Variants in CHD2 observed in about 807,000 individuals in gnomAD.
CHD2 encodes the protein ATP-dependent chromatin remodeler CHD2.
In CHD2, 28 loss-of-function variants were observed where a neutral mutation model predicts 243.9. The ratio of observed to expected loss-of-function variants is 0.11; its 90% CI spans 0.09 to 0.16. The LOEUF is 0.16. Among genes scored for constraint, CHD2 ranks in the 10% least tolerant of loss-of-function variants. The pLI is 1.00. For missense variants in CHD2, 1,386 were observed against 2,209.8 expected, an observed-to-expected ratio of 0.63 and a Z score of 7.47; for synonymous variants, 775 against 779.0, an observed-to-expected ratio of 0.99 and a Z score of 0.09.
intron 5 of CHD2, among the ~76,000 whole-genome samples, chr15:92,935,229 G>A (rs906714912): frequency 1.1e-4 from 16 of 152,016 alleles, no homozygotes; most frequent in African/African-American, 3.9e-4. Flanking sequence ...GTAGATACGG[G>A]GTTTCACCAC....
chr15:92,932,908 G>A (rs1368521873), intron 5 of CHD2, among the ~76,000 whole-genome samples: 1 of 151,892 alleles, frequency 6.6e-6, no homozygotes, highest in Non-Finnish European at 1.5e-5. Context: ...GTGCCCAGCT[G>A]ATTTTTGTAT....
intron 25 of CHD2, 27 bp from the exon 26 acceptor site, chr15:92,985,464 TGTTACAG>T: frequency 1.9e-6 from 3 of 1,577,802 alleles, no homozygotes; most frequent in Non-Finnish European, 1.7e-6. Flanking sequence ...ACTTCGCACT[TGTTACAG>T]TGTGACTTTG....
At chr15:92,924,232 G>A in intron 2 of CHD2, 89 bp from the exon 3 acceptor site, 3 of 1,113,528 alleles carry the variant, frequency 2.7e-6, no homozygotes, top group Non-Finnish European at 3.9e-6. Flanking sequence ...ATTACTATCT[G>A]CAAATGTTTT....
chr15:92,928,464 C>T (rs2053105417), intron 4 of CHD2, among the ~76,000 whole-genome samples: 1 of 151,528 alleles, frequency 6.6e-6, no homozygotes, highest in Admixed American at 6.6e-5. Context: ...GTGCTGTTAG[C>T]AGAGCACTGT....
In CHD2 at chr15:92,943,048, A is replaced by G. The variant is rs991505793; in HGVS notation, c.1032A>G (p.Lys344=). The part of the protein sequence containing the change: ...GLKKLENFKK[K]EDEIKQWLGK... ...AAAAACTAGAGAACTTCAAGAAAAA[A>G]GAGGACGAAATCAAACAATGGTATA... Residue 344 remains lysine (K), a synonymous_variant, in exon 9 of 39, where the codon AAA becomes AAG. Coordinates refer to ENST00000394196, the MANE Select transcript of CHD2 (RefSeq NM_001271.4). 3.7e-5 allele frequency: 60 copies of G among 1,613,300 alleles called. No individual in the cohort carries two copies. The highest frequency in any genetic ancestry group is 4.9e-5 in the Non-Finnish European group (58 of 1,179,430).
At chr15:92,978,898 C>A (rs2053942004) in intron 21 of CHD2, among the ~76,000 whole-genome samples, 1 of 152,122 alleles carries the variant, frequency 6.6e-6, no homozygotes, top group Non-Finnish European at 1.5e-5. Flanking sequence ...ATGGAACAGG[C>A]CATAACGACA....
At position 92,939,681 on chromosome 15, in the gene CHD2, A is replaced by C. The variant is rs771068475; in HGVS notation, c.655A>C (p.Lys219Gln). Residue 219 changes from lysine (K) to glutamine (Q), a missense_variant, in exon 7 of 39, where the codon AAA becomes CAA. This residue lies in a region of CHD2 where 200 missense variants were observed against 292.5 expected (regional missense o/e 0.68). Transcript: ENST00000394196. Reference protein sequence around the residue: ...DEDDDDDEAPKRQTRRRAAKN... With the variant: ...DEDDDDDEAPQRQTRRRAAKN... ...GGATGATGATGATGACGAAGCTCCC[A>C]AAAGGCAGACTCGTCGAAGAGCGGC... 3 of 1,614,124 alleles carry C rather than the reference A, an allele frequency of 1.9e-6. No individual in the cohort carries two copies. In the Admixed American group the frequency reaches 5.0e-5, roughly 27 times the overall value.
intron 38 of CHD2, among the ~76,000 whole-genome samples, chr15:93,022,418 A>G (rs763224404): frequency 1.3e-5 from 2 of 152,184 alleles, no homozygotes; most frequent in Non-Finnish European, 2.9e-5. Context: ...ACCTCCCACT[A>G]CAACATTGGA....
At chr15:92,984,275 A>C in intron 24 of CHD2, 55 bp from the exon 25 acceptor site, 3 of 1,366,278 alleles carry the variant, frequency 2.2e-6, no homozygotes, top group Non-Finnish European at 2.9e-6. Context: ...AAATTGTTTT[A>C]GTAGATGGTG....
intron 2 of CHD2, chr15:92,902,624 T>C (rs1001795739): frequency 2.0e-5 from 3 of 153,302 alleles, no homozygotes; most frequent in Non-Finnish European, 4.4e-5. Context: ...ACCCAGTTTG[T>C]AGTGCTGTCT....
rs956634619 is a variant in CHD2 at position 93,002,123 on chromosome 15, A to G, written c.4138-54A>G. On this transcript the variant is annotated intron_variant, in intron 32 of 38. Coordinates refer to ENST00000394196, the MANE Select transcript of CHD2 (RefSeq NM_001271.4). ...CAGTGCTTCTTTTTCCAGAAAGTAC[A>G]TAAGTAGATATAAAATTTGTAGCAA... 30 of 1,559,370 alleles carry G rather than the reference A, an allele frequency of 1.9e-5. No individual in the cohort carries two copies. In the African/African-American group the frequency reaches 2.5e-4, roughly 13 times the overall value.
At position 93,002,344 on chromosome 15, in the gene CHD2, A is replaced by G. The variant is rs2272456; in HGVS notation, c.4278+27A>G. 3.9e-3 allele frequency: 6,176 copies of G among 1,581,544 alleles called. 356 individuals carry two copies. In the Admixed American group the frequency reaches 0.1, roughly 26 times the overall value. ...TAATGATGCCCTTCTGTTCATGCAGATATCCACAGCCTTTGCAATTCGCCA... is the reference window on the plus strand; with the variant it reads ...TAATGATGCCCTTCTGTTCATGCAGGTATCCACAGCCTTTGCAATTCGCCA... On this transcript the variant is annotated intron_variant, in intron 33 of 38. Coordinates refer to ENST00000394196, the MANE Select transcript of CHD2 (RefSeq NM_001271.4).
intron 28 of CHD2, among the ~76,000 whole-genome samples, chr15:92,994,058 T>C (rs1450033153): frequency 6.6e-6 from 1 of 152,238 alleles, no homozygotes; most frequent in East Asian, 1.9e-4. Flanking sequence ...GTGCCATTTC[T>C]GCATTTTTTG....
intron 34 of CHD2, among the ~76,000 whole-genome samples, chr15:93,007,994 CAT>C (rs1023208067): frequency 1.3e-5 from 2 of 152,202 alleles, no homozygotes; most frequent in South Asian, 2.1e-4. Flanking sequence ...GAGGACGAAA[CAT>C]GTGATTGGAA....
rs143696274 is a variant in CHD2, at chr15:92,969,453, C to T, written c.2189+1940C>T. Among the ~76,000 whole-genome samples the T allele has an allele frequency of 3.4e-3, 524 of 152,288 alleles. 3 individuals carry two copies. The highest frequency in any genetic ancestry group is 0.012 in the African/African-American group (491 of 41,542). On this transcript the variant is annotated intron_variant, in intron 17 of 38. Coordinates refer to ENST00000394196, the MANE Select transcript of CHD2 (RefSeq NM_001271.4). ...TTCTGGGTGTGACTTCATAGGCTGT[C>T]GTGTTCTGCAGTACCCTCGAGTCCG...
intron 16 of CHD2, among the ~76,000 whole-genome samples, chr15:92,958,303 C>T (rs556569905): frequency 6.6e-6 from 1 of 152,260 alleles, no homozygotes; most frequent in Admixed American, 6.5e-5. Context: ...GCCGTTCTGG[C>T]GAATGTGTGT....
chr15:93,020,513 A>G lies in CHD2; in HGVS notation c.5153+255A>G, dbSNP rs182333369. On this transcript the variant is annotated intron_variant, in intron 38 of 38. Transcript: ENST00000394196. Reference sequence around the variant, plus strand: ...GAGGAAATCTAGTGAAGAGGTCGCCATAAAATATTAGAGTCAACAACCAAA... The same window carrying G: ...GAGGAAATCTAGTGAAGAGGTCGCCGTAAAATATTAGAGTCAACAACCAAA... 2.5e-5 allele frequency: 15 copies of G among 602,422 alleles called. No individual in the cohort carries two copies. The East Asian group carries it at 3.3e-4, about 13-fold the overall frequency. 37.3% of individuals were successfully genotyped at this position (602,422 alleles called of 1,614,324 possible). A position where few individuals can be genotyped will look rare whatever the true frequency, so the allele number is the denominator to read the frequency against.
chr15:93,016,637 A>C (rs1283680433), intron 37 of CHD2, among the ~76,000 whole-genome samples: 2 of 152,110 alleles, frequency 1.3e-5, no homozygotes, highest in African/African-American at 4.8e-5. Context: ...AAGTGTGAAA[A>C]TTAGCTAGGC....
At chr15:92,918,928 G>T (rs773403620) in intron 2 of CHD2, among the ~76,000 whole-genome samples, 4 of 148,686 alleles carry the variant, frequency 2.7e-5, no homozygotes, top group African/African-American at 5.0e-5. Flanking sequence ...GTGTGATCTC[G>T]GCTCACTGAA....
Sources: gnomAD v4.1 joint callset for allele counts (sites outside exome capture counted in the v4.1 genomes callset) on GRCh38, gnomAD v4.1.1 for gene constraint, gnomAD v4.1.1 regional missense constraint, MANE v1.5 for transcripts, NCBI Gene and HGNC (gene_info 2026-07-23, HGNC 2026-07-21) for gene names.